AOPEP: variants seen among roughly 807,000 people sequenced by gnomAD.
The protein encoded by AOPEP is aminopeptidase O.
In AOPEP, 77 loss-of-function variants were observed where a neutral mutation model predicts 98.1. That is an observed-to-expected ratio of 0.78 (90% CI 0.65 to 0.95). The LOEUF (loss-of-function observed/expected upper bound fraction) is 0.95. Among genes scored for constraint, AOPEP ranks in the 40% least tolerant of loss-of-function variants. The pLI is 0.00. For missense variants in AOPEP, 1,024 were observed against 1,024.7 expected, an observed-to-expected ratio of 1.00 and a Z score of 0.01; for synonymous variants, 346 against 365.3, an observed-to-expected ratio of 0.95 and a Z score of 0.60.
intron 5 of AOPEP, among the ~76,000 whole-genome samples, chr9:94,890,926 T>C (rs900778062): frequency 3.3e-5 from 5 of 152,256 alleles, no homozygotes; most frequent in Admixed American, 6.5e-5. Flanking sequence ...TCTACTGTTG[T>C]TGGGTAGAGC....
At chr9:94,872,360 G>A (rs1259361570) in intron 5 of AOPEP, among the ~76,000 whole-genome samples, 1 of 152,158 alleles carries the variant, frequency 6.6e-6, no homozygotes, top group Non-Finnish European at 1.5e-5. Flanking sequence ...GCCAAGAAAG[G>A]TTGCCTTACA....
intron 5 of AOPEP, among the ~76,000 whole-genome samples, chr9:94,875,329 CAG>C (rs1242974090): frequency 2.5e-5 from 1 of 40,626 alleles, no homozygotes; most frequent in African/African-American, 9.5e-5. Context: ...TTAAATTTAA[CAG>C]AGTTTAATTG....
At chr9:94,889,707 C>G (rs535408535) in intron 5 of AOPEP, among the ~76,000 whole-genome samples, 51 of 152,280 alleles carry the variant, frequency 3.3e-4, no homozygotes, top group African/African-American at 1.2e-3. Context: ...GATAAATACC[C>G]AAGACAGTTC....
At chr9:94,824,582 A>G (rs1202194885) in intron 5 of AOPEP, 3 of 152,176 alleles carry the variant, frequency 2.0e-5, no homozygotes, top group Non-Finnish European at 4.4e-5. Flanking sequence ...TCTGTATATC[A>G]TGGGAGTGTG....
chr9:94,962,069 T>C (rs890579926), intron 9 of AOPEP, among the ~76,000 whole-genome samples: 3 of 152,232 alleles, frequency 2.0e-5, no homozygotes, highest in Admixed American at 6.5e-5. Context: ...ACAGCCTTTG[T>C]TGGGAAAATG....
At chr9:94,994,631 T>G (rs1481729630) in intron 11 of AOPEP, among the ~76,000 whole-genome samples, 1 of 152,188 alleles carries the variant, frequency 6.6e-6, no homozygotes, top group Non-Finnish European at 1.5e-5. Flanking sequence ...CTGACCATGG[T>G]GGTATCTTCA....
At chr9:94,990,376 G>A (rs1374849909) in intron 11 of AOPEP, among the ~76,000 whole-genome samples, 1 of 152,150 alleles carries the variant, frequency 6.6e-6, no homozygotes, top group African/African-American at 2.4e-5. Context: ...ATAATGAGCG[G>A]ACCTGTAATA....
chr9:94,866,039 T>C (rs1378506969), intron 5 of AOPEP, among the ~76,000 whole-genome samples: 1 of 152,208 alleles, frequency 6.6e-6, no homozygotes, highest in African/African-American at 2.4e-5. Flanking sequence ...ACTATTAATT[T>C]ACGTACAGAA....
At chr9:94,953,373 C>G (rs2058242630) in intron 7 of AOPEP, among the ~76,000 whole-genome samples, 2 of 152,178 alleles carry the variant, frequency 1.3e-5, no homozygotes, top group East Asian at 3.9e-4. Flanking sequence ...TCATCATCAT[C>G]TTTCCTTTAG....
intron 10 of AOPEP, among the ~76,000 whole-genome samples, chr9:94,974,995 T>C (rs1589135887): frequency 2.0e-5 from 3 of 152,262 alleles, no homozygotes; most frequent in Middle Eastern, 6.8e-3. Context: ...CCCAGCACTT[T>C]GGGAGGCTGG....
intron 11 of AOPEP, among the ~76,000 whole-genome samples, chr9:94,984,742 G>C (rs1262370883): frequency 6.6e-6 from 1 of 152,206 alleles, no homozygotes; most frequent in Non-Finnish European, 1.5e-5. Flanking sequence ...CTGTTGAATA[G>C]AGCTGTTCTA....
intron 5 of AOPEP, among the ~76,000 whole-genome samples, chr9:94,898,233 T>C (rs774577809): frequency 6.6e-5 from 10 of 152,332 alleles, no homozygotes; most frequent in Non-Finnish European, 1.5e-4. Flanking sequence ...ACTTCAGCAT[T>C]GCTGGTAAAA....
the AOPEP span, among the ~76,000 whole-genome samples, chr9:95,128,389 G>A: frequency 3.9e-5 from 6 of 152,218 alleles, no homozygotes; most frequent in Non-Finnish European, 8.8e-5. Context: ...TAAGAGCTTG[G>A]AAATGCGTTG....
chr9:94,751,692 A>C (rs908212474), intron 1 of AOPEP, among the ~76,000 whole-genome samples: 7 of 151,340 alleles, frequency 4.6e-5, no homozygotes, highest in African/African-American at 1.7e-4. Context: ...GGTAATCTAT[A>C]GCTCTGGTGC....
intron 11 of AOPEP, among the ~76,000 whole-genome samples, chr9:94,998,716 C>T (rs955085768): frequency 9.8e-5 from 15 of 152,320 alleles, no homozygotes; most frequent in East Asian, 3.9e-4. Flanking sequence ...ACAGGGACAA[C>T]GTCTTACTCA....
rs1277543835 is a variant in AOPEP at position 94,930,293 on chromosome 9, CTT to C, written c.1661+1764_1661+1765del. The stretch of plus-strand genomic sequence containing the variant: ...AGGAAAATGAGTGTATCCAGAATGA[CTT>C]TGAGGTTTTTGAGTTGGACAGTTGG... On this transcript the variant is annotated intron_variant, in intron 7 of 16. Transcript: ENST00000375315. This position sits in a 1 kb window ranked among gnomAD's most constrained non-coding sequence, Gnocchi z 4.5. Among the ~76,000 whole-genome samples the C allele has an allele frequency of 6.6e-6, 1 of 152,098 alleles. No homozygotes were observed. The highest frequency in any genetic ancestry group is 1.5e-5 in the Non-Finnish European group (1 of 68,020).
intron 13 of AOPEP, among the ~76,000 whole-genome samples, chr9:95,012,821 TAAATG>T (rs1019632470): frequency 6.6e-6 from 1 of 152,140 alleles, no homozygotes; most frequent in Non-Finnish European, 1.5e-5. Context: ...TTGAATGAAT[TAAATG>T]AATGAATCCC....
chr9:95,087,080 G>A lies in AOPEP; in HGVS notation c.*403G>A, dbSNP rs761144189. The A allele has an allele frequency of 2.6e-5, 7 of 269,672 alleles. No homozygotes were observed. The highest frequency in any genetic ancestry group is 2.8e-5 in the Non-Finnish European group (5 of 175,840). The allele number at this position is 269,672 out of a possible 1,614,324, so 16.7% of individuals were successfully genotyped here. ...AAAGTCACACAGCTCCTCTGTATGA[G>A]ACCAGTGGGCGCCATTTAAAAGAAC... On this transcript the variant is annotated 3_prime_UTR_variant, in exon 17 of 17. Transcript: ENST00000375315.
chr9:95,101,854 CA>C, the AOPEP span: 22 of 1,613,752 alleles, frequency 1.4e-5, no homozygotes, highest in Admixed American at 3.0e-4. Context: ...GAGCCATCTG[CA>C]ATCAGGACAG....
Sources: gnomAD v4.1 joint callset for allele counts (sites outside exome capture counted in the v4.1 genomes callset) on GRCh38, gnomAD v4.1.1 for gene constraint, Gnocchi (gnomAD v3.1) non-coding constraint, MANE v1.5 for transcripts, NCBI Gene and HGNC (gene_info 2026-07-23, HGNC 2026-07-21) for gene names.